The following PTPRD variants were observed in gnomAD, a reference collection of about 807,000 sequenced individuals.
The protein encoded by PTPRD is protein tyrosine phosphatase receptor type D.
Under a neutral mutation model 214.5 loss-of-function variants are expected in PTPRD, and 34 were observed. The ratio of observed to expected loss-of-function variants is 0.16; its 90% CI spans 0.12 to 0.21. The LOEUF (loss-of-function observed/expected upper bound fraction) is 0.21, where lower values mean the gene tolerates loss of function less well. PTPRD is among the 10% of genes least tolerant of loss of function. The pLI, the probability that PTPRD is intolerant of heterozygous loss-of-function variation, is 1.00. For synonymous variants in PTPRD, 1,128 were observed against 845.7 expected (o/e 1.33, Z -5.79); for missense variants, 2,545 against 2,398.7 (o/e 1.06, Z -1.27).
chr9:10,382,581 G>A (rs746901904), intron 2 of PTPRD, among the ~76,000 whole-genome samples: 2 of 151,836 alleles, frequency 1.3e-5, no homozygotes, highest in Non-Finnish European at 2.9e-5. Context: ...ATATACCCAT[G>A]TCTACTGTCC....
At chr9:9,388,345 C>A (rs1312070150) in intron 9 of PTPRD, among the ~76,000 whole-genome samples, 1 of 152,066 alleles carries the variant, frequency 6.6e-6, no homozygotes, top group African/African-American at 2.4e-5. Flanking sequence ...GGAGCTTTAG[C>A]CAGGGACCAC....
chr9:10,210,338 A>C (rs2099509730), intron 3 of PTPRD, among the ~76,000 whole-genome samples: 1 of 152,176 alleles, frequency 6.6e-6, no homozygotes, highest in Non-Finnish European at 1.5e-5. Flanking sequence ...GAGAAGATGG[A>C]GAGATAATAG....
intron 4 of PTPRD, among the ~76,000 whole-genome samples, chr9:10,022,784 G>GA (rs1260919387): frequency 6.6e-6 from 1 of 152,150 alleles, no homozygotes; most frequent in Non-Finnish European, 1.5e-5. Flanking sequence ...CCAAAATGCT[G>GA]AATTCCCATT....
chr9:8,969,124 T>C (rs950778191), intron 11 of PTPRD, among the ~76,000 whole-genome samples: 1 of 152,062 alleles, frequency 6.6e-6, no homozygotes, highest in Non-Finnish European at 1.5e-5. Flanking sequence ...AAACCATTTA[T>C]AATGAAATGA....
chr9:10,093,850 C>T (rs2098456758), intron 3 of PTPRD, among the ~76,000 whole-genome samples: 1 of 151,394 alleles, frequency 6.6e-6, no homozygotes, highest in African/African-American at 2.4e-5. Flanking sequence ...AAAATAAATA[C>T]TGCATGTTCT....
chr9:8,346,758 G>A (rs1328756361), intron 39 of PTPRD, among the ~76,000 whole-genome samples: 1 of 152,114 alleles, frequency 6.6e-6, no homozygotes, highest in Non-Finnish European at 1.5e-5. Context: ...CAGCTGCAAA[G>A]TGCTTCCTTT....
intron 5 of PTPRD, among the ~76,000 whole-genome samples, chr9:9,796,124 A>C (rs2099000913): frequency 6.6e-6 from 1 of 152,170 alleles, no homozygotes; most frequent in South Asian, 2.1e-4. Context: ...ACTTCCAAAC[A>C]GAGGCTGTAT....
intron 7 of PTPRD, among the ~76,000 whole-genome samples, chr9:9,640,568 G>GAACTTTTA (rs2095906177): frequency 6.6e-6 from 1 of 152,156 alleles, no homozygotes; most frequent in South Asian, 2.1e-4. Context: ...AAATGTGGAA[G>GAACTTTTA]AACTTTTAAA....
intron 11 of PTPRD, among the ~76,000 whole-genome samples, chr9:8,788,234 T>C (rs1213158206): frequency 2.0e-5 from 3 of 151,448 alleles, no homozygotes; most frequent in Non-Finnish European, 4.4e-5. Context: ...AGCCAAATAT[T>C]TTTGGTTCAT....
At chr9:10,454,725 C>T (rs989917435) in intron 2 of PTPRD, among the ~76,000 whole-genome samples, 2 of 151,596 alleles carry the variant, frequency 1.3e-5, no homozygotes, top group African/African-American at 4.8e-5. Context: ...ATTGTTTCCT[C>T]TTGCCTTTGG....
chr9:8,948,419 AT>A (rs2099079443), intron 11 of PTPRD, among the ~76,000 whole-genome samples: 1 of 43,446 alleles, frequency 2.3e-5, no homozygotes, highest in Non-Finnish European at 4.6e-5. Context: ...ATATATATAT[AT>A]ATATTTATAT....
chr9:9,922,819 G>A (rs1176908455), intron 5 of PTPRD, among the ~76,000 whole-genome samples: 3 of 151,992 alleles, frequency 2.0e-5, no homozygotes, highest in Admixed American at 6.6e-5. Context: ...AAAAGCTGGA[G>A]AGGTTTTCCA....
At chr9:10,394,590 C>CTTTTGGAAGA (rs1440954170) in intron 2 of PTPRD, among the ~76,000 whole-genome samples, 3 of 151,816 alleles carry the variant, frequency 2.0e-5, no homozygotes, top group Non-Finnish European at 4.4e-5. Context: ...TCCAAAACCA[C>CTTTTGGAAGA]GTAGTCTATC....
At chr9:10,156,616 T>G (rs1168598827) in intron 3 of PTPRD, among the ~76,000 whole-genome samples, 2 of 152,208 alleles carry the variant, frequency 1.3e-5, no homozygotes, top group African/African-American at 4.8e-5. Context: ...ATTCTTGTTT[T>G]GGGGTAGAGA....
chr9:8,656,954 TAGTA>T (rs1345066967), intron 12 of PTPRD, among the ~76,000 whole-genome samples: 2 of 152,246 alleles, frequency 1.3e-5, no homozygotes, highest in Admixed American at 6.5e-5. Context: ...ACATTACCAA[TAGTA>T]AGTTGTAAAG....
intron 12 of PTPRD, among the ~76,000 whole-genome samples, chr9:8,728,697 T>C (rs959190899): frequency 5.3e-5 from 8 of 152,212 alleles, no homozygotes; most frequent in African/African-American, 1.9e-4. Flanking sequence ...AAAAATGTTT[T>C]TGGCTGGCAC....
In PTPRD at chr9:8,960,446, G is replaced by C. The variant is rs140545823; in HGVS notation, c.-104+58251C>G. ...TACTAGGACATTGTGCTTTGCGTAG[G>C]CAGCAAGATCAGTAAAAGAAATCCA... On this transcript the variant is annotated intron_variant, in intron 11 of 45. Transcript: ENST00000381196. Among the ~76,000 whole-genome samples the C allele has an allele frequency of 6.6e-3, 997 of 152,170 alleles. 5 individuals are homozygous for C. Among genetic ancestry groups the C allele is most frequent in the Non-Finnish European group, 0.01 (710 of 68,010 alleles).
chr9:8,772,429 G>A (rs1488819562), intron 11 of PTPRD, among the ~76,000 whole-genome samples: 1 of 151,832 alleles, frequency 6.6e-6, no homozygotes, highest in Non-Finnish European at 1.5e-5. Context: ...CAGAAGAACT[G>A]CTTGAGACCA....
At position 8,908,921 on chromosome 9, in the gene PTPRD, G is replaced by T. The variant is rs141360290; in HGVS notation, c.-104+109776C>A. 6.0e-5 allele frequency among the ~76,000 whole-genome samples: 9 copies of T among 150,390 alleles called. No individual in the cohort carries two copies. In the East Asian group the frequency reaches 1.7e-3, roughly 29 times the overall value. ...AATGCTACAGCCTCATAATTAAAAGGCTCATAATTTGACATGAATATGAAA... is the reference window on the plus strand; with the variant it reads ...AATGCTACAGCCTCATAATTAAAAGTCTCATAATTTGACATGAATATGAAA... On this transcript the variant is annotated intron_variant, in intron 11 of 45. Transcript: ENST00000381196.
Sources: allele counts gnomAD v4.1 joint callset (sites outside exome capture counted in the v4.1 genomes callset), GRCh38; gene constraint gnomAD v4.1.1; transcripts MANE v1.5; gene names NCBI Gene and HGNC (gene_info 2026-07-23, HGNC 2026-07-21).